Variants in MPDZ observed in about 807,000 individuals in gnomAD.
MPDZ encodes the protein multiple PDZ domain crumbs cell polarity complex component.
MPDZ carries 234 observed loss-of-function variants against 239.1 expected under a neutral mutation model. That is an observed-to-expected ratio of 0.98 (90% CI 0.88 to 1.09). The LOEUF is 1.09. Ranked by LOEUF, MPDZ falls within the 50% of genes least tolerant of loss-of-function variation. MPDZ has a pLI of 0.00. For synonymous variants in MPDZ, 1,048 were observed against 881.3 expected, an observed-to-expected ratio of 1.19 and a Z score of -3.35; for missense variants, 3,175 against 2,510.0, an observed-to-expected ratio of 1.26 and a Z score of -5.66.
In MPDZ at chr9:13,150,556, T is replaced by C. The variant is rs1949026100; in HGVS notation, c.3585A>G (p.Pro1195=). 1.9e-6 allele frequency: 3 copies of C among 1,576,218 alleles called. No homozygotes were observed. The highest frequency in any genetic ancestry group is 2.6e-6 in the Non-Finnish European group (3 of 1,159,656). Residue 1195 remains proline, a synonymous_variant, in exon 25 of 47, where the codon CCA becomes CCG. Transcript: ENST00000319217. ...GTTTCAAGGTTCCATTTTTGCCAGC[T>C]GGACTATCTTCCAGAACATGTTTGA... ...IFIKHVLEDS[P]AGKNGTLKPG...
At chr9:13,107,628 C>A (rs1445373228) in intron 46 of MPDZ, among the ~76,000 whole-genome samples, 1 of 152,114 alleles carries the variant, frequency 6.6e-6, no homozygotes, top group Non-Finnish European at 1.5e-5. Context: ...AAATTTAAAA[C>A]CCACTGCTAT....
intron 3 of MPDZ, among the ~76,000 whole-genome samples, chr9:13,232,414 T>C (rs1230566544): frequency 1.3e-5 from 2 of 152,104 alleles, no homozygotes; most frequent in African/African-American, 4.8e-5. Flanking sequence ...ATAGTGACAA[T>C]GCAAGGGAGA....
At chr9:13,175,989 C>T (rs1952432461) in intron 20 of MPDZ, 114 bp from the exon 21 acceptor site, 1 of 1,427,546 alleles carries the variant, frequency 7.0e-7, no homozygotes, top group African/African-American at 1.4e-5. Context: ...TTGCAAGAAC[C>T]TGCAACCAAA....
At chr9:13,184,550 T>C (rs1953832739) in intron 18 of MPDZ, among the ~76,000 whole-genome samples, 1 of 151,976 alleles carries the variant, frequency 6.6e-6, no homozygotes, top group South Asian at 2.1e-4. Flanking sequence ...TCTCTTCAAA[T>C]ATACTTCATA....
intron 24 of MPDZ, among the ~76,000 whole-genome samples, chr9:13,157,529 G>A (rs1004506224): frequency 1.4e-4 from 21 of 151,976 alleles, no homozygotes; most frequent in African/African-American, 5.1e-4. Context: ...TATATTTGAG[G>A]ATGTCATCTT....
rs537057716 is a variant in MPDZ, at chr9:13,192,776, T to C, written c.1803+391A>G. ...GATTACAAAGAAGCAAATATATTAG[T>C]AGTTACCTAATGAAGGGTGATGAGA... On this transcript the variant is annotated intron_variant, in intron 14 of 46. Transcript: ENST00000319217. 7.2e-5 allele frequency among the ~76,000 whole-genome samples: 11 copies of C among 152,310 alleles called. No homozygotes were observed. In the East Asian group the frequency reaches 2.1e-3, roughly 29 times the overall value.
At position 13,126,761 on chromosome 9, in the gene MPDZ, A is replaced by AC; in HGVS notation, c.4475dup (p.Leu1493PhefsTer42). The stretch of plus-strand genomic sequence containing the variant: ...CTTCTTCGCTGATAGCAATACCCAA[A>AC]CCCCCCTGATCCTAGAAAAGTAAAA... On this transcript the variant is annotated frameshift_variant, in exon 33 of 47. Transcript: ENST00000319217. LOFTEE classifies it high-confidence loss of function. 6.2e-7 allele frequency: 1 copy of AC among 1,613,376 alleles called. No homozygotes were observed. The highest frequency in any genetic ancestry group is 8.5e-7 in the Non-Finnish European group (1 of 1,179,614).
chr9:13,210,140 A>G (rs994978285), intron 10 of MPDZ, among the ~76,000 whole-genome samples: 2 of 151,964 alleles, frequency 1.3e-5, no homozygotes, highest in African/African-American at 4.8e-5. Context: ...GATAAAAAGA[A>G]AAAAGATCTA....
At chr9:13,186,911 A>C (rs1322954111) in intron 17 of MPDZ, among the ~76,000 whole-genome samples, 2 of 152,160 alleles carry the variant, frequency 1.3e-5, no homozygotes, top group African/African-American at 2.4e-5. Context: ...CTCTACGGGA[A>C]TTCAATTTAG....
chr9:13,114,085 A>G, intron 40 of MPDZ, 64 bp from the exon 41 acceptor site: 2 of 1,232,440 alleles, frequency 1.6e-6, no homozygotes, highest in South Asian at 2.7e-5. Flanking sequence ...AATACCACTT[A>G]TTTCAGAATT....
chr9:13,198,784 T>TG (rs1491106957), intron 12 of MPDZ, among the ~76,000 whole-genome samples: 2 of 149,108 alleles, frequency 1.3e-5, no homozygotes, highest in African/African-American at 4.9e-5. Context: ...TGTGTGTGTG[T>TG]TTTAGGACAG....
intron 26 of MPDZ, among the ~76,000 whole-genome samples, chr9:13,145,696 G>C (rs1050481217): frequency 6.6e-6 from 1 of 151,860 alleles, no homozygotes; most frequent in South Asian, 2.1e-4. Context: ...TTCATAACAA[G>C]ATTTATCCTG....
At chr9:13,175,264 A>G (rs1345137007) in intron 21 of MPDZ, among the ~76,000 whole-genome samples, 2 of 152,192 alleles carry the variant, frequency 1.3e-5, no homozygotes, top group Non-Finnish European at 2.9e-5. Context: ...GCCACCTGGG[A>G]AGTCCTACTG....
chr9:13,265,044 CAAT>C (rs993673591), intron 1 of MPDZ, among the ~76,000 whole-genome samples: 4 of 152,188 alleles, frequency 2.6e-5, no homozygotes, highest in Non-Finnish European at 5.9e-5. Flanking sequence ...GTGAACACAA[CAAT>C]GTGTCAATGC....
Position 13,119,579 on chromosome 9 carries a change from G to C in MPDZ, c.5302C>G (p.Gln1768Glu). The C allele has an allele frequency of 6.2e-7, 1 of 1,613,934 alleles. No homozygotes were observed. The highest frequency in any genetic ancestry group is 1.3e-5 in the African/African-American group (1 of 75,040). ...GIADADGRLM[Q>E]GDQILMVNGE... The stretch of plus-strand genomic sequence containing the variant: ...TTCACCATTAATATCTGGTCTCCCT[G>C]CATCAGTCTTCCATCGGCATCTGCA... Residue 1768 changes from glutamine to glutamate, a missense_variant, in exon 39 of 47, where the codon CAG (glutamine) becomes GAG (glutamate). Gln to Glu is a conservative substitution (Grantham distance 29, BLOSUM62 2). Coordinates refer to ENST00000319217, the MANE Select transcript of MPDZ (RefSeq NM_001378778.1).
chr9:13,119,756 C>T, intron 38 of MPDZ, 107 bp from the exon 39 acceptor site: 3 of 1,345,534 alleles, frequency 2.2e-6, no homozygotes, highest in Non-Finnish European at 3.1e-6. Context: ...GTTTTTATGA[C>T]TTTAAAAGTT....
intron 1 of MPDZ, among the ~76,000 whole-genome samples, chr9:13,278,269 T>G (rs771542749): frequency 6.6e-6 from 1 of 152,098 alleles, no homozygotes; most frequent in Non-Finnish European, 1.5e-5. Flanking sequence ...AACACTAGCC[T>G]CCAACCGCAG....
chr9:13,268,821 T>G (rs1485455893), intron 1 of MPDZ, among the ~76,000 whole-genome samples: 1 of 152,214 alleles, frequency 6.6e-6, no homozygotes. Context: ...AGGTAATGTT[T>G]CCATGGCCTC....
chr9:13,179,720 C>A (rs1953021073), intron 19 of MPDZ, among the ~76,000 whole-genome samples: 2 of 151,998 alleles, frequency 1.3e-5, no homozygotes, highest in African/African-American at 4.8e-5. Context: ...TTCTTGTCCT[C>A]AGTAAAAAAT....
Sources: gnomAD v4.1 joint callset for allele counts (sites outside exome capture counted in the v4.1 genomes callset) on GRCh38, gnomAD v4.1.1 for gene constraint, MANE v1.5 for transcripts, NCBI Gene and HGNC (gene_info 2026-07-23, HGNC 2026-07-21) for gene names.